TCERG1L: variants seen among roughly 807,000 people sequenced by gnomAD.
The protein encoded by TCERG1L is transcription elongation regulator 1 like.
TCERG1L carries 37 observed loss-of-function variants against 56.3 expected under a neutral mutation model. That is an observed-to-expected ratio of 0.66 (90% CI 0.51 to 0.87). TCERG1L has a LOEUF of 0.87. Among genes scored for constraint, TCERG1L ranks in the 40% least tolerant of loss-of-function variants. The probability of loss-of-function intolerance (pLI) is 0.00; values close to 1 mark genes in which losing one functional copy is unlikely to be tolerated. For missense variants in TCERG1L, 799 were observed against 774.2 expected, an observed-to-expected ratio of 1.03 and a Z score of -0.38; for synonymous variants, 324 against 326.3, an observed-to-expected ratio of 0.99 and a Z score of 0.08.
chr10:131,277,297 T>C (rs1302356019), intron 3 of TCERG1L, among the ~76,000 whole-genome samples: 7 of 152,184 alleles, frequency 4.6e-5, no homozygotes, highest in East Asian at 1.9e-4. Flanking sequence ...AAAGGAGATG[T>C]GAGTTCATTA....
At chr10:131,149,354 C>A (rs558362944) in intron 6 of TCERG1L, among the ~76,000 whole-genome samples, 2 of 121,008 alleles carry the variant, frequency 1.7e-5, no homozygotes, top group East Asian at 2.9e-4. Flanking sequence ...TCAGATCAGG[C>A]AGACCATTGT....
intron 4 of TCERG1L, among the ~76,000 whole-genome samples, chr10:131,239,996 C>T (rs1404178572): frequency 1.3e-5 from 2 of 152,128 alleles, no homozygotes; most frequent in African/African-American, 4.8e-5. Context: ...GGCACACACC[C>T]CGTGGTTTCA....
intron 3 of TCERG1L, among the ~76,000 whole-genome samples, chr10:131,286,205 GT>G (rs1281504488): frequency 2.0e-5 from 3 of 152,054 alleles, no homozygotes; most frequent in African/African-American, 7.2e-5. Context: ...CCTTTAAAAC[GT>G]CTGGGAAGTT....
At position 131,243,956 on chromosome 10, in the gene TCERG1L, A is replaced by G. The variant is rs151155665; in HGVS notation, c.856+16303T>C. On this transcript the variant is annotated intron_variant, in intron 4 of 11. Coordinates refer to ENST00000368642, the MANE Select transcript of TCERG1L (RefSeq NM_174937.4). The stretch of plus-strand genomic sequence containing the variant: ...AACAGCCATTATTCAGAAGCTCTCT[A>G]TTTGGGGATGGTTTGCTGTCCCACA... Among the ~76,000 whole-genome samples the G allele has an allele frequency of 3.3e-3, 502 of 152,318 alleles. 2 individuals carry two copies. The highest frequency in any genetic ancestry group is 0.031 in the Middle Eastern group (9 of 294).
intron 4 of TCERG1L, among the ~76,000 whole-genome samples, chr10:131,191,016 A>G (rs1328344263): frequency 6.9e-6 from 1 of 144,720 alleles, no homozygotes; most frequent in East Asian, 1.9e-4. Context: ...TGAATTCAGT[A>G]AAGTCTCAGG....
chr10:131,109,244 TAAACTTCAGACCCTTTCCTGC>T (rs1443473347), intron 9 of TCERG1L, among the ~76,000 whole-genome samples: 1 of 152,232 alleles, frequency 6.6e-6, no homozygotes, highest in Non-Finnish European at 1.5e-5. Context: ...AATTCTTCTG[TAAACTTCAGACCCTTTCCTGC>T]AGAAGTTTGT....
chr10:131,118,370 C>T lies in TCERG1L; in HGVS notation c.1260-1436G>A, dbSNP rs540294207. On this transcript the variant is annotated intron_variant, in intron 8 of 11. Transcript: ENST00000368642. The surrounding 1 kb of genome is among the most constrained non-coding windows in gnomAD (Gnocchi z 4.2). ...TTTCTCGAACCGTAGTCTGGGCTTT[C>T]TGATTTGGTCTAGAGGTAAGAGTCT... Among the ~76,000 whole-genome samples the T allele has an allele frequency of 5.3e-4, 80 of 152,322 alleles. No individual in the cohort carries two copies. Among genetic ancestry groups the T allele is most frequent in the Non-Finnish European group, 8.5e-4 (58 of 68,030 alleles).
intron 4 of TCERG1L, among the ~76,000 whole-genome samples, chr10:131,184,477 C>A (rs1380312884): frequency 1.3e-5 from 2 of 152,286 alleles, no homozygotes; most frequent in South Asian, 2.1e-4. Context: ...AACAAATCAG[C>A]AAATAAATTT....
intron 3 of TCERG1L, among the ~76,000 whole-genome samples, chr10:131,278,945 C>T (rs565381281): frequency 1.3e-5 from 2 of 152,324 alleles, no homozygotes; most frequent in South Asian, 2.1e-4. Flanking sequence ...CACCTCCCTC[C>T]GGGCCCTTCT....
At chr10:131,184,294 T>C (rs1286913385) in intron 4 of TCERG1L, among the ~76,000 whole-genome samples, 2 of 152,262 alleles carry the variant, frequency 1.3e-5, no homozygotes, top group Non-Finnish European at 2.9e-5. Flanking sequence ...TCATGTCTTT[T>C]AATCTTTAAA....
At chr10:131,104,469 A>G (rs1845331523) in intron 9 of TCERG1L, 115 bp from the exon 10 acceptor site, 1 of 683,718 alleles carries the variant, frequency 1.5e-6, no homozygotes, top group Non-Finnish European at 2.6e-6. Flanking sequence ...ATTAAAGTAC[A>G]ATAGATTCCG....
intron 4 of TCERG1L, among the ~76,000 whole-genome samples, chr10:131,224,198 A>T (rs11816617): frequency 1.3e-5 from 2 of 151,466 alleles, no homozygotes; most frequent in African/African-American, 4.9e-5. Flanking sequence ...TCACCCCATT[A>T]TTCCCTGGGG....
At chr10:131,233,467 C>T (rs1476885195) in intron 4 of TCERG1L, among the ~76,000 whole-genome samples, 1 of 151,786 alleles carries the variant, frequency 6.6e-6, no homozygotes, top group African/African-American at 2.4e-5. Context: ...GACACACACA[C>T]ACACACAGAC....
intron 4 of TCERG1L, among the ~76,000 whole-genome samples, chr10:131,207,383 G>C (rs1262334338): frequency 6.6e-6 from 1 of 152,210 alleles, no homozygotes. Flanking sequence ...CCAGGAGGGA[G>C]CCTGCAGGGC....
chr10:131,253,645 G>A (rs1846135340), intron 4 of TCERG1L, among the ~76,000 whole-genome samples: 1 of 152,150 alleles, frequency 6.6e-6, no homozygotes, highest in Non-Finnish European at 1.5e-5. Context: ...CTGGGTGGGT[G>A]TGCGATGAAG....
chr10:131,114,152 A>C lies in TCERG1L; in HGVS notation c.1395+2647T>G, dbSNP rs1192280824. ...CTAAAAACCGCAGGGTCCGTCCTTC[A>C]TCACTCCACAAGTACATGAATTTCT... On this transcript the variant is annotated intron_variant, in intron 9 of 11. Coordinates refer to ENST00000368642, the MANE Select transcript of TCERG1L (RefSeq NM_174937.4). Among the ~76,000 whole-genome samples the C allele has an allele frequency of 1.4e-5, 2 of 142,354 alleles. 1 individual carries two copies. The highest frequency in any genetic ancestry group is 3.2e-5 in the Non-Finnish European group (2 of 63,430). 93.4% of individuals were successfully genotyped at this position (142,354 alleles called of 152,430 possible).
At chr10:131,093,439 G>T in intron 11 of TCERG1L, 121 bp from the exon 12 acceptor site, 2 of 1,225,270 alleles carry the variant, frequency 1.6e-6, no homozygotes, top group Non-Finnish European at 2.3e-6. Flanking sequence ...GCCGTGGGTG[G>T]CAGGGCACCC....
At chr10:131,221,908 C>G (rs1464723333) in intron 4 of TCERG1L, among the ~76,000 whole-genome samples, 1 of 152,246 alleles carries the variant, frequency 6.6e-6, no homozygotes, top group Non-Finnish European at 1.5e-5. Context: ...CCAGCTACAG[C>G]CTCCGAACCT....
rs552022570 is a variant in TCERG1L at position 131,291,512 on chromosome 10, C to T, written c.670+16699G>A. On this transcript the variant is annotated intron_variant, in intron 3 of 11. Coordinates refer to ENST00000368642, the MANE Select transcript of TCERG1L (RefSeq NM_174937.4). ...CGTGATCTCGGCTCACTGCAAGCTC[C>T]GCCTCCCAGGTTCATGCCATTCTCC... Among the ~76,000 whole-genome samples, 168 of 141,606 alleles carry T rather than the reference C, an allele frequency of 1.2e-3. 1 individual carries two copies. Among genetic ancestry groups the T allele is most frequent in the Non-Finnish European group, 2.0e-3 (136 of 66,356 alleles). 92.9% of individuals were successfully genotyped at this position (141,606 alleles called of 152,430 possible). A position where few individuals can be genotyped will look rare whatever the true frequency, so the allele number is the denominator to read the frequency against.
Sources: allele counts gnomAD v4.1 joint callset (sites outside exome capture counted in the v4.1 genomes callset), GRCh38; gene constraint gnomAD v4.1.1; non-coding constraint Gnocchi (gnomAD v3.1); transcripts MANE v1.5; gene names NCBI Gene and HGNC (gene_info 2026-07-23, HGNC 2026-07-21).